Variants in PARD3 observed in about 807,000 individuals in gnomAD.
The protein encoded by PARD3 is partitioning defective 3 homolog.
A neutral mutation model predicts 155.4 loss-of-function variants in PARD3; 75 were observed. The observed-to-expected ratio is 0.48, with a 90% CI of 0.40 to 0.58. PARD3 has a LOEUF of 0.58. Ranked by LOEUF, PARD3 falls within the 20% of genes least tolerant of loss-of-function variation. The pLI, the probability that PARD3 is intolerant of heterozygous loss-of-function variation, is 0.00. For missense variants in PARD3, 1,642 were observed against 1,721.7 expected (o/e 0.95, Z 0.82); for synonymous variants, 576 against 610.5 (o/e 0.94, Z 0.83).
chr10:34,617,338 G>GTTCC (rs1225490426), intron 2 of PARD3, among the ~76,000 whole-genome samples: 1 of 152,182 alleles, frequency 6.6e-6, no homozygotes, highest in African/African-American at 2.4e-5. Context: ...AGACTGGGAA[G>GTTCC]GGGAAGGTAG....
intron 12 of PARD3, among the ~76,000 whole-genome samples, chr10:34,367,891 C>G (rs1176860391): frequency 6.6e-6 from 1 of 152,148 alleles, no homozygotes; most frequent in African/African-American, 2.4e-5. Context: ...AAAGAATCCC[C>G]AATGTATCCC....
At chr10:34,813,622 T>G (rs758778780) in intron 1 of PARD3, among the ~76,000 whole-genome samples, 2 of 152,214 alleles carry the variant, frequency 1.3e-5, no homozygotes, top group Non-Finnish European at 2.9e-5. Context: ...AGGCCAAATT[T>G]ATGCTATTTT....
At chr10:34,434,343 G>A (rs1191388693) in intron 5 of PARD3, among the ~76,000 whole-genome samples, 1 of 152,202 alleles carries the variant, frequency 6.6e-6, no homozygotes. Flanking sequence ...ATGTGTTTTA[G>A]CTACTGTCTT....
intron 4 of PARD3, among the ~76,000 whole-genome samples, chr10:34,454,213 C>T (rs1251678969): frequency 6.6e-6 from 1 of 152,102 alleles, no homozygotes; most frequent in East Asian, 1.9e-4. Context: ...GGCCACAAAT[C>T]TAGTTCACCG....
At chr10:34,465,998 TTCC>T (rs1407341199) in intron 4 of PARD3, among the ~76,000 whole-genome samples, 2 of 152,150 alleles carry the variant, frequency 1.3e-5, no homozygotes, top group African/African-American at 2.4e-5. Flanking sequence ...TGAAATACTC[TTCC>T]TCAGGATAAA....
chr10:34,508,610 C>T (rs933783631), intron 3 of PARD3, among the ~76,000 whole-genome samples: 1 of 152,108 alleles, frequency 6.6e-6, no homozygotes, highest in African/African-American at 2.4e-5. Context: ...CAATGATTTG[C>T]ACCTGAACTG....
At chr10:34,703,886 A>G (rs932542620) in intron 1 of PARD3, among the ~76,000 whole-genome samples, 3 of 152,200 alleles carry the variant, frequency 2.0e-5, no homozygotes, top group African/African-American at 7.2e-5. Context: ...AAATACCGGT[A>G]AAGTATGAAG....
At chr10:34,780,594 A>T (rs1008086212) in intron 1 of PARD3, among the ~76,000 whole-genome samples, 8 of 152,222 alleles carry the variant, frequency 5.3e-5, no homozygotes, top group African/African-American at 1.7e-4. Context: ...CTCTACCAGA[A>T]TTCATTAATA....
intron 3 of PARD3, among the ~76,000 whole-genome samples, chr10:34,497,313 T>C (rs1309642133): frequency 1.3e-5 from 2 of 152,218 alleles, no homozygotes; most frequent in Admixed American, 1.3e-4. Context: ...CAACTATTTA[T>C]ATAGCGTTTA....
chr10:34,498,797 C>T (rs1247054322), intron 3 of PARD3, among the ~76,000 whole-genome samples: 1 of 152,026 alleles, frequency 6.6e-6, no homozygotes, highest in Non-Finnish European at 1.5e-5. Flanking sequence ...AAAAAATAAA[C>T]AAAAATTAAA....
chr10:34,505,850 A>C (rs763498991), intron 3 of PARD3, among the ~76,000 whole-genome samples: 3 of 152,230 alleles, frequency 2.0e-5, no homozygotes, highest in Non-Finnish European at 4.4e-5. Flanking sequence ...TACTGATGCC[A>C]GGCTGCATGT....
chr10:34,552,307 A>C (rs1293849749), intron 2 of PARD3, among the ~76,000 whole-genome samples: 1 of 152,208 alleles, frequency 6.6e-6, no homozygotes, highest in African/African-American at 2.4e-5. Flanking sequence ...ATGCTATGTC[A>C]TCCAGGCTGG....
At chr10:34,451,308 T>C (rs774419668) in intron 4 of PARD3, among the ~76,000 whole-genome samples, 2 of 152,150 alleles carry the variant, frequency 1.3e-5, no homozygotes, top group African/African-American at 2.4e-5. Context: ...TCATCTCCTA[T>C]AAGAACAAAG....
intron 2 of PARD3, among the ~76,000 whole-genome samples, chr10:34,595,769 A>G (rs2089194381): frequency 6.6e-6 from 1 of 152,062 alleles, no homozygotes; most frequent in Non-Finnish European, 1.5e-5. Context: ...AAAAAAAAAC[A>G]CTCTGTCACA....
chr10:34,739,245 T>C (rs1488583086), intron 1 of PARD3, among the ~76,000 whole-genome samples: 2 of 152,196 alleles, frequency 1.3e-5, no homozygotes, highest in Non-Finnish European at 2.9e-5. Flanking sequence ...CGTTGGTTCA[T>C]TTTGACAAAT....
At chr10:34,572,699 A>G (rs1031953354) in intron 2 of PARD3, among the ~76,000 whole-genome samples, 1 of 151,778 alleles carries the variant, frequency 6.6e-6, no homozygotes, top group Non-Finnish European at 1.5e-5. Context: ...TGAACCATTA[A>G]GTAGTGACTA....
intron 19 of PARD3, among the ~76,000 whole-genome samples, chr10:34,325,682 T>A (rs191614254): frequency 1.3e-5 from 2 of 152,230 alleles, no homozygotes; most frequent in East Asian, 3.9e-4. Flanking sequence ...AGGTACACAC[T>A]CTGCAGTAGT....
intron 5 of PARD3, among the ~76,000 whole-genome samples, chr10:34,411,058 C>T (rs1589468972): frequency 6.6e-6 from 1 of 152,124 alleles, no homozygotes; most frequent in African/African-American, 2.4e-5. Flanking sequence ...CTGTCAGCAA[C>T]CATGAAACTG....
At chr10:34,762,209 A>T (rs192258395) in intron 1 of PARD3, among the ~76,000 whole-genome samples, 1 of 152,020 alleles carries the variant, frequency 6.6e-6, no homozygotes, top group Non-Finnish European at 1.5e-5. Flanking sequence ...CCACTTTACT[A>T]AACAGTTTAC....
Sources: allele counts gnomAD v4.1 joint callset (sites outside exome capture counted in the v4.1 genomes callset), GRCh38; gene constraint gnomAD v4.1.1; transcripts MANE v1.5; gene names NCBI Gene and HGNC (gene_info 2026-07-23, HGNC 2026-07-21).